Variants in NRP1 observed in about 807,000 individuals in gnomAD.
NRP1 encodes the protein neuropilin-1.
A neutral mutation model predicts 106.7 loss-of-function variants in NRP1; 35 were observed. The observed-to-expected ratio is 0.33, with a 90% CI of 0.25 to 0.43. The LOEUF (loss-of-function observed/expected upper bound fraction) is 0.43. NRP1 is among the 20% of genes least tolerant of loss of function. The pLI is 1.00. For missense variants in NRP1, 1,024 were observed against 1,170.4 expected, an observed-to-expected ratio of 0.87 and a Z score of 1.83; for synonymous variants, 437 against 417.9, an observed-to-expected ratio of 1.05 and a Z score of -0.56.
intron 13 of NRP1, 133 bp from the exon 14 acceptor site, chr10:33,186,621 T>C: frequency 9.4e-7 from 1 of 1,062,012 alleles, no homozygotes; most frequent in South Asian, 1.7e-5. Context: ...TGGAAAGGGA[T>C]AAGTGTGCAC....
chr10:33,297,642 G>A lies in NRP1; in HGVS notation c.249-26786C>T, dbSNP rs1379318491. On this transcript the variant is annotated intron_variant, in intron 2 of 16. Transcript: ENST00000374867. ...GCAGAGGTTGCAGTGAGCTGAGACTGTGCCACTGCACTCCAGTCTGGGAGA... is the reference window on the plus strand; with the variant it reads ...GCAGAGGTTGCAGTGAGCTGAGACTATGCCACTGCACTCCAGTCTGGGAGA... 3.4e-5 allele frequency among the ~76,000 whole-genome samples: 5 copies of A among 147,330 alleles called. No individual in the cohort carries two copies. In the South Asian group the frequency reaches 8.5e-4, roughly 25 times the overall value.
intron 2 of NRP1, among the ~76,000 whole-genome samples, chr10:33,297,108 G>A (rs1845442815): frequency 6.6e-6 from 1 of 152,212 alleles, no homozygotes; most frequent in Admixed American, 6.5e-5. Context: ...AAGCTGTAAT[G>A]CAAAGCAAGC....
chr10:33,194,958 G>A (rs1406602390), intron 12 of NRP1, among the ~76,000 whole-genome samples: 1 of 152,180 alleles, frequency 6.6e-6, no homozygotes, highest in African/African-American at 2.4e-5. Flanking sequence ...CCAAGCCCTG[G>A]CGGGGCACAC....
intron 6 of NRP1, among the ~76,000 whole-genome samples, chr10:33,237,464 G>A (rs1331670537): frequency 6.9e-6 from 1 of 144,892 alleles, no homozygotes; most frequent in Admixed American, 6.9e-5. Context: ...TGAACTAACG[G>A]CAGAAGAAAC....
At chr10:33,269,950 T>C (rs76898357) in intron 3 of NRP1, among the ~76,000 whole-genome samples, 1,714 of 152,346 alleles carry the variant, frequency 0.011, 13 homozygotes, top group Middle Eastern at 0.037. Flanking sequence ...AATTATTTCA[T>C]TATATATTAC....
intron 6 of NRP1, among the ~76,000 whole-genome samples, chr10:33,250,390 C>A (rs886957752): frequency 6.6e-6 from 1 of 152,114 alleles, no homozygotes; most frequent in East Asian, 1.9e-4. Context: ...GCTCGGAAGG[C>A]GAAAAACGGT....
At chr10:33,247,627 G>A (rs1184533957) in intron 6 of NRP1, among the ~76,000 whole-genome samples, 2 of 152,220 alleles carry the variant, frequency 1.3e-5, no homozygotes, top group Non-Finnish European at 2.9e-5. Flanking sequence ...TGGCATGAGA[G>A]TATCTCTCCA....
rs757526204 is a variant in NRP1 at position 33,206,257 on chromosome 10, C to A, written c.1759+1315G>T. On this transcript the variant is annotated intron_variant, in intron 10 of 16. Coordinates refer to ENST00000374867, the MANE Select transcript of NRP1 (RefSeq NM_003873.7). ...CATTTCTCCGTGAATTGAACGAACG[C>A]ATCTGCAGTGAGTGGAGTCTGCCCA... 6 of 519,060 alleles carry A rather than the reference C, an allele frequency of 1.2e-5. No individual in the cohort carries two copies. In the East Asian group the frequency reaches 3.3e-4, roughly 28 times the overall value. The allele number at this position is 519,060 out of a possible 1,614,324, so 32.2% of individuals were successfully genotyped here.
chr10:33,184,389 C>T (rs1835879016), intron 15 of NRP1, among the ~76,000 whole-genome samples: 1 of 152,198 alleles, frequency 6.6e-6, no homozygotes, highest in Admixed American at 6.5e-5. Context: ...ACTTGTTGAA[C>T]CGAATTGAAT....
intron 9 of NRP1, among the ~76,000 whole-genome samples, chr10:33,209,621 T>TG (rs1199058055): frequency 6.6e-6 from 1 of 152,168 alleles, no homozygotes; most frequent in East Asian, 1.9e-4. Context: ...GGCCTGCAGG[T>TG]GCCCACCAAC....
At chr10:33,194,422 A>G (rs919177601) in intron 12 of NRP1, 1 of 216,726 alleles carries the variant, frequency 4.6e-6, no homozygotes, top group Non-Finnish European at 9.5e-6. Context: ...TTTATAGAAC[A>G]GAAAATGACA....
intron 6 of NRP1, among the ~76,000 whole-genome samples, chr10:33,233,977 T>C (rs113376539): frequency 0.011 from 1,740 of 152,272 alleles, 10 homozygotes; most frequent in Non-Finnish European, 0.018. Context: ...ATTGTGCTCA[T>C]TAACTTAGGA....
At chr10:33,327,406 G>A (rs1847964463) in intron 2 of NRP1, among the ~76,000 whole-genome samples, 1 of 151,968 alleles carries the variant, frequency 6.6e-6, no homozygotes, top group South Asian at 2.1e-4. Flanking sequence ...TAATGAAGCT[G>A]GAACAAGGAA....
chr10:33,195,157 T>C (rs1836687705), intron 12 of NRP1, among the ~76,000 whole-genome samples: 1 of 152,190 alleles, frequency 6.6e-6, no homozygotes, highest in Admixed American at 6.5e-5. Context: ...GGATTTAATT[T>C]TTATATCTGG....
At chr10:33,259,307 G>A (rs963178250) in intron 4 of NRP1, among the ~76,000 whole-genome samples, 1 of 152,064 alleles carries the variant, frequency 6.6e-6, no homozygotes, top group Non-Finnish European at 1.5e-5. Flanking sequence ...CTCTCTTTAG[G>A]AGCCCTCAAG....
chr10:33,280,708 G>A (rs746800312), intron 2 of NRP1, among the ~76,000 whole-genome samples: 6 of 151,940 alleles, frequency 3.9e-5, no homozygotes, highest in Admixed American at 1.3e-4. Context: ...TCCAACAGGC[G>A]CTGTGGCTCA....
At chr10:33,324,216 G>A (rs761540351) in intron 2 of NRP1, among the ~76,000 whole-genome samples, 3 of 152,296 alleles carry the variant, frequency 2.0e-5, no homozygotes, top group African/African-American at 4.8e-5. Flanking sequence ...TCAAAAGGAA[G>A]AAAGCAGATA....
In NRP1 at chr10:33,180,228, C is replaced by G. The variant is rs567261830; in HGVS notation, c.2620G>C (p.Val874Leu). 5.0e-6 allele frequency: 8 copies of G among 1,614,068 alleles called. No homozygotes were observed. Among genetic ancestry groups the G allele is most frequent in the Non-Finnish European group, 6.8e-6 (8 of 1,180,060 alleles). ...GCACAGTACAGCACGACCCCACAGA[C>G]AGCCCCCAGGAGGACCCCCAGGGCA... ...MSALGVLLGA[V>L]CGVVLYCACW... Residue 874 changes from valine to leucine, a missense_variant, in exon 17 of 17, where the codon GTC (valine) becomes CTC (leucine). Physicochemically the swap from Val to Leu is conservative, Grantham distance 32 (BLOSUM62 1). Transcript: ENST00000374867.
chr10:33,329,063 A>G (rs1848089683), intron 2 of NRP1, among the ~76,000 whole-genome samples: 1 of 152,214 alleles, frequency 6.6e-6, no homozygotes, highest in Non-Finnish European at 1.5e-5. Flanking sequence ...GAAGTAAATC[A>G]AATATAAAAG....
Sources: gnomAD v4.1 joint callset for allele counts (sites outside exome capture counted in the v4.1 genomes callset) on GRCh38, gnomAD v4.1.1 for gene constraint, MANE v1.5 for transcripts, NCBI Gene and HGNC (gene_info 2026-07-23, HGNC 2026-07-21) for gene names.